The following SYNE2 variants were observed in gnomAD, a reference collection of about 807,000 sequenced individuals.
SYNE2 encodes the protein spectrin repeat containing nuclear envelope protein 2.
A neutral mutation model predicts 856.3 loss-of-function variants in SYNE2; 431 were observed. The observed-to-expected ratio is 0.50, with a 90% confidence interval of 0.47 to 0.55. The LOEUF is 0.55. Ranked by LOEUF, SYNE2 falls within the 20% of genes least tolerant of loss-of-function variation. The pLI is 0.00. For synonymous variants in SYNE2, 2,923 were observed against 2,872.3 expected (o/e 1.02, Z -0.56); for missense variants, 8,129 against 8,023.2 (o/e 1.01, Z -0.50).
At chr14:63,890,995 A>G (rs1039577434) in intron 1 of SYNE2, among the ~76,000 whole-genome samples, 1 of 152,178 alleles carries the variant, frequency 6.6e-6, no homozygotes, top group Admixed American at 6.5e-5. Flanking sequence ...GTATTTGTTA[A>G]ATGAGAATGA....
chr14:64,060,201 T>C (rs1297262430), intron 49 of SYNE2, among the ~76,000 whole-genome samples: 1 of 152,132 alleles, frequency 6.6e-6, no homozygotes. Context: ...TCCTCTGCTT[T>C]CTGAAGCAGA....
intron 1 of SYNE2, among the ~76,000 whole-genome samples, chr14:63,868,764 A>C (rs1896111425): frequency 6.6e-6 from 1 of 152,084 alleles, no homozygotes; most frequent in African/African-American, 2.4e-5. Flanking sequence ...GGGTTTTTGT[A>C]ATAACAAAAA....
At chr14:64,004,691 G>T (rs77223042) in intron 30 of SYNE2, among the ~76,000 whole-genome samples, 1 of 151,996 alleles carries the variant, frequency 6.6e-6, no homozygotes, top group East Asian at 1.9e-4. Flanking sequence ...CTTGAGTTCC[G>T]CAGGCTCAGT....
At chr14:64,145,073 C>G (rs1192616824) in intron 83 of SYNE2, among the ~76,000 whole-genome samples, 2 of 151,942 alleles carry the variant, frequency 1.3e-5, no homozygotes, top group East Asian at 4.0e-4. Context: ...ATTACACATG[C>G]CTGCCGCCAC....
At chr14:63,837,193 G>C (rs1889886010) in intron 1 of SYNE2, among the ~76,000 whole-genome samples, 1 of 152,082 alleles carries the variant, frequency 6.6e-6, no homozygotes, top group African/African-American at 2.4e-5. Flanking sequence ...AATTCAATGG[G>C]AAAAAATAGT....
chr14:63,970,230 C>T (rs1248679625), intron 11 of SYNE2, among the ~76,000 whole-genome samples: 1 of 151,990 alleles, frequency 6.6e-6, no homozygotes, highest in African/African-American at 2.4e-5. Context: ...ACTCTGTTGT[C>T]CAGACTAGAG....
At chr14:64,058,854 TTTTTC>T (rs2097294340) in intron 49 of SYNE2, among the ~76,000 whole-genome samples, 1 of 152,078 alleles carries the variant, frequency 6.6e-6, no homozygotes, top group South Asian at 2.1e-4. Flanking sequence ...TTTCTATTCT[TTTTTC>T]TTTTATCTCC....
At chr14:64,186,321 C>T (rs974038893) in intron 96 of SYNE2, 103 bp from the exon 97 acceptor site, 7 of 1,478,724 alleles carry the variant, frequency 4.7e-6, no homozygotes, top group Non-Finnish European at 4.7e-6. Context: ...TCTCTCCTGG[C>T]CTCCCCTCCC....
intron 45 of SYNE2, among the ~76,000 whole-genome samples, chr14:64,046,853 T>C (rs1417720780): frequency 6.6e-6 from 1 of 152,218 alleles, no homozygotes; most frequent in Non-Finnish European, 1.5e-5. Flanking sequence ...AGACTAGGCA[T>C]GTCACCTTGA....
Position 64,226,416 on chromosome 14 carries a change from AAAAC to A in SYNE2, c.*894_*897del, listed in dbSNP as rs1339123947. ...GTACAACTCAGATGTTTCTCATTAA[AAAAC>A]AAAATTAGCCAGACTTCTGTTGTAC... On this transcript the variant is annotated 3_prime_UTR_variant, in exon 116 of 116. Transcript: ENST00000555002. The A allele has an allele frequency of 2.6e-5, 4 of 152,722 alleles. No homozygotes were observed. The highest frequency in any genetic ancestry group is 2.1e-4 in the South Asian group (1 of 4,822). 9.5% of individuals were successfully genotyped at this position (152,722 alleles called of 1,614,324 possible).
rs754179619 is a variant in SYNE2, at chr14:64,159,359, C to A, written c.16011C>A (p.Leu5337=). ...AESSEGSWEK[L]QEVIGKLKGL... The stretch of plus-strand genomic sequence containing the variant: ...GCAGTGAAGGGAGTTGGGAGAAACT[C>A]CAGGAGGTTATCGGCAAACTCAAAG... Residue 5337 remains leucine, a synonymous_variant, in exon 87 of 116, where the codon CTC becomes CTA. Transcript: ENST00000555002. 13 of 1,613,838 alleles carry A rather than the reference C, an allele frequency of 8.1e-6. No individual in the cohort carries two copies. In the East Asian group the frequency reaches 8.9e-5, roughly 11 times the overall value.
chr14:64,090,281 A>G (rs749665856), intron 59 of SYNE2, among the ~76,000 whole-genome samples: 2 of 152,196 alleles, frequency 1.3e-5, no homozygotes, highest in African/African-American at 4.8e-5. Flanking sequence ...GGAGGTTAGG[A>G]TACTTACCTC....
intron 90 of SYNE2, among the ~76,000 whole-genome samples, chr14:64,165,668 A>G (rs1452201249): frequency 1.3e-5 from 2 of 152,090 alleles, no homozygotes; most frequent in African/African-American, 4.8e-5. Flanking sequence ...ATGTGCCACC[A>G]TGTCCGGCTA....
At chr14:63,797,648 GC>G (rs1434989259) in intron 1 of SYNE2, among the ~76,000 whole-genome samples, 1 of 152,144 alleles carries the variant, frequency 6.6e-6, no homozygotes, top group Non-Finnish European at 1.5e-5. Context: ...CGCCATGTTG[GC>G]CAGCCTGGTC....
chr14:64,024,242 T>C lies in SYNE2; in HGVS notation c.5638-15T>C, dbSNP rs747143229. 2.5e-6 allele frequency: 4 copies of C among 1,613,176 alleles called. No homozygotes were observed. The highest frequency in any genetic ancestry group is 3.4e-6 in the Non-Finnish European group (4 of 1,179,588). The stretch of plus-strand genomic sequence containing the variant: ...CTTGCCAGGAGATTGTAATGGACTT[T>C]TTGTCTTTCTGAAGGATTTCTTGAC... On this transcript the variant is annotated splice_polypyrimidine_tract_variant and intron_variant, in intron 38 of 115. Coordinates refer to ENST00000555002, the MANE Select transcript of SYNE2 (RefSeq NM_182914.3).
At chr14:64,150,290 TCAAAAAAAAA>T in intron 84 of SYNE2, among the ~76,000 whole-genome samples, 1 of 28,790 alleles carries the variant, frequency 3.5e-5, no homozygotes, top group Non-Finnish European at 6.0e-5. Context: ...AGATTCTCTC[TCAAAAAAAAA>T]AAAAAAAAAA....
chr14:64,112,122 G>A (rs1336918725), intron 65 of SYNE2, among the ~76,000 whole-genome samples: 1 of 152,200 alleles, frequency 6.6e-6, no homozygotes, highest in Non-Finnish European at 1.5e-5. Flanking sequence ...CCTGACACGT[G>A]TTTGTTACCA....
rs1339187395 is a variant in SYNE2, at chr14:64,030,919, T to G, written c.6880-97T>G. The G allele has an allele frequency of 3.1e-6, 3 of 971,770 alleles. No individual in the cohort carries two copies. In the East Asian group the frequency reaches 7.5e-5, roughly 24 times the overall value. 60.2% of individuals were successfully genotyped at this position (971,770 alleles called of 1,614,324 possible). On this transcript the variant is annotated intron_variant, in intron 44 of 115. Coordinates refer to ENST00000555002, the MANE Select transcript of SYNE2 (RefSeq NM_182914.3). The stretch of plus-strand genomic sequence containing the variant: ...TATGAGTTGTTAAGTTTTTAAATAT[T>G]TCTACTGGTGAAGCAAGAGTACTCT...
At chr14:64,088,549 T>C (rs2097581283) in intron 58 of SYNE2, among the ~76,000 whole-genome samples, 1 of 152,184 alleles carries the variant, frequency 6.6e-6, no homozygotes, top group Non-Finnish European at 1.5e-5. Flanking sequence ...GGCAGAAGGA[T>C]AATGTGAGCA....
Sources: gnomAD v4.1 joint callset for allele counts (sites outside exome capture counted in the v4.1 genomes callset) on GRCh38, gnomAD v4.1.1 for gene constraint, MANE v1.5 for transcripts, NCBI Gene and HGNC (gene_info 2026-07-23, HGNC 2026-07-21) for gene names.